The following ERBB2 variants were observed in gnomAD, a reference collection of about 807,000 sequenced individuals.
ERBB2 encodes the protein receptor tyrosine-protein kinase erbB-2.
Under a neutral mutation model 149.0 loss-of-function variants are expected in ERBB2, and 61 were observed. That is an observed-to-expected ratio of 0.41 (90% CI 0.33 to 0.51). ERBB2 has a LOEUF of 0.51. ERBB2 is among the 20% of genes least tolerant of loss of function. The probability of loss-of-function intolerance (pLI) is 0.25; values close to 1 mark genes in which losing one functional copy is unlikely to be tolerated. For synonymous variants in ERBB2, 633 were observed against 678.8 expected (o/e 0.93, Z 1.05); for missense variants, 1,205 against 1,655.1 (o/e 0.73, Z 4.72).
chr17:39,720,893 C>G (rs1302976503), intron 16 of ERBB2, among the ~76,000 whole-genome samples: 2 of 152,250 alleles, frequency 1.3e-5, no homozygotes, highest in Middle Eastern at 3.4e-3. Context: ...CAAGATCCGC[C>G]CACCTTGGCC....
rs771145294 is a variant in ERBB2, at chr17:39,717,389, G to A, written c.1807G>A (p.Gly603Ser). 2.1e-5 allele frequency: 34 copies of A among 1,612,784 alleles called. No individual in the cohort carries two copies. Among genetic ancestry groups the A allele is most frequent in the Admixed American group, 1.8e-4 (11 of 59,984 alleles). The stretch of plus-strand genomic sequence containing the variant: ...CTTCTGCGTGGCCCGCTGCCCCAGC[G>A]GTGTGAAACCTGACCTCTCCTACAT... ...PPFCVARCPS[G>S]VKPDLSYMPI... Residue 603 changes from glycine to serine, a missense_variant, in exon 15 of 27, where the codon GGT becomes AGT. By Grantham distance (56) the Gly-to-Ser change is moderately conservative. Coordinates refer to ENST00000269571, the MANE Select transcript of ERBB2 (RefSeq NM_004448.4).
At chr17:39,716,196 C>T in intron 12 of ERBB2, 105 bp from the exon 13 acceptor site, 1 of 1,298,014 alleles carries the variant, frequency 7.7e-7, no homozygotes, top group Admixed American at 2.7e-5. Flanking sequence ...CCCCACCTGT[C>T]CCCACCCCTC....
chr17:39,724,272 A>ATTTTTTCTTTTTT (rs547454526), intron 19 of ERBB2, among the ~76,000 whole-genome samples: 4 of 77,016 alleles, frequency 5.2e-5, no homozygotes, highest in African/African-American at 1.8e-4. Flanking sequence ...GCGCCCGCTA[A>ATTTTTTCTTTTTT]TTTTTTTTTT....
At position 39,723,726 on chromosome 17, in the gene ERBB2, G is replaced by A. The variant is rs887950128; in HGVS notation, c.2208+66G>A. ...GGGCGGTGCCTGGAGGGGTGTGGTC[G>A]GCAGTTCTGATGGGAGGGGCAAGAG... On this transcript the variant is annotated intron_variant, in intron 18 of 26. Coordinates refer to ENST00000269571, the MANE Select transcript of ERBB2 (RefSeq NM_004448.4). The surrounding 1 kb of genome is among the most constrained non-coding windows in gnomAD (Gnocchi z 6.2). 8 of 1,561,902 alleles carry A rather than the reference G, an allele frequency of 5.1e-6. No individual in the cohort carries two copies. Among genetic ancestry groups the A allele is most frequent in the South Asian group, 2.3e-5 (2 of 85,694 alleles).
At position 39,717,468 on chromosome 17, in the gene ERBB2, A is replaced by C. The variant is rs758907167; in HGVS notation, c.1886A>C (p.Asn629Thr). 1.2e-6 allele frequency: 2 copies of C among 1,612,578 alleles called. No homozygotes were observed. Among genetic ancestry groups the C allele is most frequent in the Non-Finnish European group, 1.7e-6 (2 of 1,179,462 alleles). Residue 629 changes from asparagine to threonine, a missense_variant, in exon 15 of 27, where the codon AAC (asparagine) becomes ACC (threonine). Around this residue, in one of 6 missense-constraint regions of ERBB2, gnomAD observed 569 missense variants for 803.5 expected, o/e 0.71. Coordinates refer to ENST00000269571, the MANE Select transcript of ERBB2 (RefSeq NM_004448.4). ...EEGACQPCPI[N>T]CTHSCVDLDD... ...GGCGCATGCCAGCCTTGCCCCATCA[A>C]CTGCACCCACTCGTGAGTCCAACGG...
At position 39,728,029 on chromosome 17, in the gene ERBB2, G is replaced by T; in HGVS notation, c.3753G>T (p.Leu1251=). The change falls in exon 27 of 27, where the codon CTG becomes CTT. Residue 1251 remains leucine (L), a synonymous_variant. Transcript: ENST00000269571. ...CAGAGAACCCAGAGTACCTGGGTCT[G>T]GACGTGCCAGTGTGAACCAGAAGGC... ...PTAENPEYLG[L]DVPV 1 of 1,593,092 alleles carries T rather than the reference G, an allele frequency of 6.3e-7. No individual in the cohort carries two copies.
chr17:39,705,156 C>T (rs1485661557), intron 1 of ERBB2, among the ~76,000 whole-genome samples: 1 of 152,146 alleles, frequency 6.6e-6, no homozygotes, highest in Non-Finnish European at 1.5e-5. Context: ...GCCTGCCAGG[C>T]ACACAGTAGG....
At chr17:39,691,556 A>AAAAAAAAAAAAAAAAAAAAATATATATAT (rs573116217), upstream of ERBB2, among the ~76,000 whole-genome samples, 1 of 84,170 alleles carries the variant, frequency 1.2e-5, no homozygotes, top group Non-Finnish European at 2.5e-5. Context: ...TAAAAAAAAA[A>AAAAAAAAAAAAAAAAAAAAATATATATAT]ATATATATAT....
chr17:39,696,202 A>G (rs1274581143), upstream of ERBB2, among the ~76,000 whole-genome samples: 1 of 152,030 alleles, frequency 6.6e-6, no homozygotes, highest in Non-Finnish European at 1.5e-5. Flanking sequence ...GTCAGACACC[A>G]GACGAGGTTT....
rs2145661003 is a variant in ERBB2, at chr17:39,715,941, T to C, written c.1513+2T>C. ...CCAACCGGCCAGAGGACGAGTGTGG[T>C]AAGACAGGGAGCCCAGTGTGCGCAC... On this transcript the variant is annotated splice_donor_variant, in intron 12 of 26. Coordinates refer to ENST00000269571, the MANE Select transcript of ERBB2 (RefSeq NM_004448.4). LOFTEE classifies it high-confidence loss of function. 1 of 1,607,534 alleles carries C rather than the reference T, an allele frequency of 6.2e-7. No homozygotes were observed. Among genetic ancestry groups the C allele is most frequent in the Non-Finnish European group, 8.5e-7 (1 of 1,179,834 alleles).
chr17:39,694,260 T>TGTGTGTATATATATATATATACAC (rs2057797488), upstream of ERBB2, among the ~76,000 whole-genome samples: 2 of 23,484 alleles, frequency 8.5e-5, no homozygotes, highest in Non-Finnish European at 1.1e-4. Context: ...TATATATATA[T>TGTGTGTATATATATATATATACAC]ATATATATGT....
chr17:39,719,774 G>GT lies in ERBB2; in HGVS notation c.1899-10dup, dbSNP rs759153841. The GT allele has an allele frequency of 9.9e-6, 16 of 1,614,048 alleles. No homozygotes were observed. In the East Asian group the frequency reaches 2.0e-4, roughly 20 times the overall value. On this transcript the variant is annotated splice_polypyrimidine_tract_variant and intron_variant, in intron 15 of 26. Transcript: ENST00000269571. The stretch of plus-strand genomic sequence containing the variant: ...GGTTCCCAGAATTGTTGATGAGACT[G>GT]TTTCTCCTGCAGCTGTGTGGACCTG...
At chr17:39,718,618 C>G (rs1043691193) in intron 15 of ERBB2, among the ~76,000 whole-genome samples, 1 of 151,934 alleles carries the variant, frequency 6.6e-6, no homozygotes, top group Non-Finnish European at 1.5e-5. Context: ...GCCAACATAG[C>G]GAGACCCCGT....
At chr17:39,698,906 CAATG>C (rs1330663872), upstream of ERBB2, among the ~76,000 whole-genome samples, 2 of 147,426 alleles carry the variant, frequency 1.4e-5, no homozygotes, top group African/African-American at 5.0e-5. Flanking sequence ...TTCAGATAAA[CAATG>C]AATAATTTGT....
chr17:39,694,137 T>C (rs576696824), upstream of ERBB2, among the ~76,000 whole-genome samples: 18 of 129,710 alleles, frequency 1.4e-4, no homozygotes, highest in African/African-American at 4.9e-4. Context: ...GAGGTTGCAG[T>C]GAGCCGACAT....
chr17:39,712,281 G>A (rs746562587), intron 8 of ERBB2, 41 bp from the exon 9 acceptor site: 3 of 1,612,402 alleles, frequency 1.9e-6, no homozygotes, highest in African/African-American at 1.3e-5. Flanking sequence ...CCGGTATGAA[G>A]GCTGAGACGG....
chr17:39,724,270 T>C (rs1174817684), intron 19 of ERBB2, among the ~76,000 whole-genome samples: 1 of 128,190 alleles, frequency 7.8e-6, no homozygotes, highest in Non-Finnish European at 1.7e-5. Flanking sequence ...AAGCGCCCGC[T>C]AATTTTTTTT....
chr17:39,694,288 T>TATATATACAC (rs1463644286), upstream of ERBB2, among the ~76,000 whole-genome samples: 1 of 60,724 alleles, frequency 1.6e-5, no homozygotes. Context: ...TATATATATA[T>TATATATACAC]ACACATATAT....
chr17:39,722,546 TA>T (rs1315787735), intron 16 of ERBB2, among the ~76,000 whole-genome samples: 2 of 152,164 alleles, frequency 1.3e-5, no homozygotes, highest in Non-Finnish European at 2.9e-5. Context: ...CAGTTTACTA[TA>T]AAATAGGCTT....
Sources: allele counts gnomAD v4.1 joint callset (sites outside exome capture counted in the v4.1 genomes callset), GRCh38; gene constraint gnomAD v4.1.1; regional missense constraint gnomAD v4.1.1; non-coding constraint Gnocchi (gnomAD v3.1); transcripts MANE v1.5; gene names NCBI Gene and HGNC (gene_info 2026-07-23, HGNC 2026-07-21).